SERPINI1: variants seen among roughly 807,000 people sequenced by gnomAD.
SERPINI1 encodes neuroserpin.
A neutral mutation model predicts 41.1 loss-of-function variants in SERPINI1; 19 were observed. The observed-to-expected ratio is 0.46, with a 90% CI of 0.32 to 0.68. The LOEUF is 0.68. Among genes scored for constraint, SERPINI1 ranks in the 30% least tolerant of loss-of-function variants. The pLI, the probability that SERPINI1 is intolerant of heterozygous loss-of-function variation, is 0.03. For synonymous variants in SERPINI1, 138 were observed against 156.6 expected (o/e 0.88, Z 0.89); for missense variants, 460 against 479.2 (o/e 0.96, Z 0.37).
intron 6 of SERPINI1, among the ~76,000 whole-genome samples, chr3:167,821,063 G>A (rs1330429954): frequency 1.1e-4 from 16 of 152,040 alleles, no homozygotes; most frequent in Admixed American, 8.5e-4. Flanking sequence ...CTGCAGAGAG[G>A]AGCTACCCAC....
intron 1 of SERPINI1, among the ~76,000 whole-genome samples, chr3:167,771,738 C>T (rs896012323): frequency 2.0e-5 from 3 of 152,062 alleles, no homozygotes; most frequent in Admixed American, 1.3e-4. Flanking sequence ...CAAGTAGGAC[C>T]GATATGTTAA....
chr3:167,771,212 A>G (rs1350398460), intron 1 of SERPINI1, among the ~76,000 whole-genome samples: 2 of 152,216 alleles, frequency 1.3e-5, no homozygotes, highest in African/African-American at 2.4e-5. Flanking sequence ...GTGAAATGCT[A>G]TATATCTGAA....
chr3:167,744,252 A>G (rs78788454), intron 1 of SERPINI1, among the ~76,000 whole-genome samples: 4,854 of 152,198 alleles, frequency 0.032, 262 homozygotes, highest in African/African-American at 0.11. Flanking sequence ...TTATGTTGAC[A>G]TAATGAGATT....
chr3:167,760,710 C>T (rs140763695), intron 1 of SERPINI1, among the ~76,000 whole-genome samples: 23 of 152,142 alleles, frequency 1.5e-4, no homozygotes, highest in Non-Finnish European at 2.6e-4. Flanking sequence ...TTACGCAATT[C>T]AGATTACCTG....
intron 1 of SERPINI1, among the ~76,000 whole-genome samples, chr3:167,759,228 G>A (rs1326726826): frequency 1.3e-5 from 2 of 152,008 alleles, no homozygotes; most frequent in South Asian, 2.1e-4. Flanking sequence ...CCTAAAAATA[G>A]AACTATCATT....
chr3:167,788,461 T>G (rs922364800), intron 1 of SERPINI1, among the ~76,000 whole-genome samples: 3 of 152,222 alleles, frequency 2.0e-5, no homozygotes, highest in Non-Finnish European at 2.9e-5. Flanking sequence ...TTCTCAACTT[T>G]GGTAGGGGGC....
At chr3:167,736,689 C>T (rs975401211) in intron 1 of SERPINI1, among the ~76,000 whole-genome samples, 5 of 152,056 alleles carry the variant, frequency 3.3e-5, no homozygotes, top group Non-Finnish European at 4.4e-5. Context: ...CATGTAGTGT[C>T]ATAAAATAAT....
intron 1 of SERPINI1, among the ~76,000 whole-genome samples, chr3:167,755,965 A>G (rs1413035079): frequency 6.6e-6 from 1 of 152,006 alleles, no homozygotes; most frequent in Non-Finnish European, 1.5e-5. Flanking sequence ...CTCCTCCGAC[A>G]TTTATTCAGC....
intron 5 of SERPINI1, among the ~76,000 whole-genome samples, chr3:167,805,963 C>T (rs560994403): frequency 6.6e-6 from 1 of 152,116 alleles, no homozygotes; most frequent in South Asian, 2.1e-4. Flanking sequence ...CCAGCAATCC[C>T]ATTACTAGGT....
intron 1 of SERPINI1, among the ~76,000 whole-genome samples, chr3:167,745,435 A>G (rs527260839): frequency 1.3e-5 from 2 of 152,064 alleles, no homozygotes; most frequent in Non-Finnish European, 1.5e-5. Context: ...TACAGAAAAC[A>G]TAAATAATTT....
chr3:167,743,276 A>C (rs116480342), intron 1 of SERPINI1, among the ~76,000 whole-genome samples: 3,491 of 152,240 alleles, frequency 0.023, 128 homozygotes, highest in African/African-American at 0.079. Context: ...CCATTTCAAA[A>C]ATGTGAAAAA....
intron 1 of SERPINI1, among the ~76,000 whole-genome samples, chr3:167,781,058 T>C (rs1226885976): frequency 6.6e-6 from 1 of 150,872 alleles, no homozygotes; most frequent in Non-Finnish European, 1.5e-5. Flanking sequence ...AATTACAGAT[T>C]TCTAAAATAC....
chr3:167,773,294 G>C (rs1476703164), intron 1 of SERPINI1, among the ~76,000 whole-genome samples: 1 of 152,060 alleles, frequency 6.6e-6, no homozygotes, highest in East Asian at 1.9e-4. Flanking sequence ...TCCTGTTAGT[G>C]AGGACTGTTA....
At chr3:167,801,097 C>A (rs1271993870) in intron 5 of SERPINI1, among the ~76,000 whole-genome samples, 1 of 152,244 alleles carries the variant, frequency 6.6e-6, no homozygotes. Context: ...GGATTACAGG[C>A]ATGGGCCACT....
At chr3:167,750,573 T>C (rs965916741) in intron 1 of SERPINI1, among the ~76,000 whole-genome samples, 3 of 152,202 alleles carry the variant, frequency 2.0e-5, no homozygotes, top group African/African-American at 7.2e-5. Context: ...AATCCAGAAC[T>C]GCTTCACTGT....
chr3:167,780,797 G>A (rs1727097581), intron 1 of SERPINI1, among the ~76,000 whole-genome samples: 1 of 152,092 alleles, frequency 6.6e-6, no homozygotes, highest in Admixed American at 6.5e-5. Context: ...TCCTATTGAG[G>A]ACAAGTCCAC....
intron 5 of SERPINI1, among the ~76,000 whole-genome samples, chr3:167,798,439 A>G (rs964976058): frequency 6.6e-6 from 1 of 152,162 alleles, no homozygotes; most frequent in Non-Finnish European, 1.5e-5. Flanking sequence ...ATGTTACAAT[A>G]ATCAGTGTGA....
At chr3:167,777,468 T>C (rs9861801) in intron 1 of SERPINI1, among the ~76,000 whole-genome samples, 32,705 of 152,104 alleles carry the variant, frequency 0.22, 4,505 homozygotes, top group Non-Finnish European at 0.31. Flanking sequence ...CAAGAGGTTA[T>C]TGTAGTTGTG....
intron 1 of SERPINI1, among the ~76,000 whole-genome samples, chr3:167,753,896 T>C (rs752624234): frequency 2.0e-5 from 3 of 152,226 alleles, no homozygotes; most frequent in Non-Finnish European, 2.9e-5. Flanking sequence ...GTAAGAAATA[T>C]CAGAATGTGT....
Sources: gnomAD v4.1 joint callset for allele counts (sites outside exome capture counted in the v4.1 genomes callset) on GRCh38, gnomAD v4.1.1 for gene constraint, MANE v1.5 for transcripts, NCBI Gene and HGNC (gene_info 2026-07-23, HGNC 2026-07-21) for gene names.